MYOZ2: variants seen among roughly 807,000 people sequenced by gnomAD.
MYOZ2 encodes myozenin 2.
MYOZ2 carries 19 observed loss-of-function variants against 25.4 expected under a neutral mutation model. The ratio of observed to expected loss-of-function variants is 0.75; its 90% CI spans 0.52 to 1.10. The LOEUF (loss-of-function observed/expected upper bound fraction) is 1.10, where lower values mean the gene tolerates loss of function less well. Among genes scored for constraint, MYOZ2 ranks in the 50% least tolerant of loss-of-function variants. MYOZ2 has a pLI of 0.00. For synonymous variants in MYOZ2, 92 were observed against 106.9 expected, an observed-to-expected ratio of 0.86 and a Z score of 0.86; for missense variants, 270 against 317.9, an observed-to-expected ratio of 0.85 and a Z score of 1.15.
chr4:119,136,633 T>C (rs753660367), intron 2 of MYOZ2, 32 bp downstream of exon 2: 3 of 1,579,394 alleles, frequency 1.9e-6, no homozygotes, highest in Non-Finnish European at 2.6e-6. Context: ...AGCATTAATA[T>C]AGCACAGCAT....
chr4:119,148,780 A>AC lies in MYOZ2; in HGVS notation c.77-2092_77-2091insC, dbSNP rs1553957993. Among the ~76,000 whole-genome samples the AC allele has an allele frequency of 1.7e-3, 244 of 142,766 alleles. 3 individuals are homozygous for AC. The East Asian group carries it at 0.02, about 12-fold the overall frequency. 93.7% of individuals were successfully genotyped at this position (142,766 alleles called of 152,430 possible). A position where few individuals can be genotyped will look rare whatever the true frequency, so the allele number is the denominator to read the frequency against. ...GATGGAGTCATTGGCAAAAAAAAAAAAAACCTTTCCATTTAAAGAATTTGT... is the reference window on the plus strand; with the variant it reads ...GATGGAGTCATTGGCAAAAAAAAAAACAAACCTTTCCATTTAAAGAATTTGT... On this transcript the variant is annotated intron_variant, in intron 2 of 5. Transcript: ENST00000307128.
chr4:119,183,047 A>C (rs541865203), intron 5 of MYOZ2, among the ~76,000 whole-genome samples: 98 of 152,302 alleles, frequency 6.4e-4, no homozygotes, highest in African/African-American at 2.3e-3. Context: ...TTGAACTATA[A>C]AGAAAATAAG....
At chr4:119,154,945 C>T (rs1207694686) in intron 3 of MYOZ2, among the ~76,000 whole-genome samples, 1 of 151,418 alleles carries the variant, frequency 6.6e-6, no homozygotes, top group Non-Finnish European at 1.5e-5. Flanking sequence ...AGACCAGGTA[C>T]TTTATAAAGA....
At chr4:119,137,175 TAA>T (rs1741049568) in intron 2 of MYOZ2, among the ~76,000 whole-genome samples, 1 of 152,142 alleles carries the variant, frequency 6.6e-6, no homozygotes, top group Admixed American at 6.6e-5. Context: ...TGAGAAAATA[TAA>T]AGTTATTGTA....
At chr4:119,136,062 C>T (rs769541331) in intron 1 of MYOZ2, 80 bp downstream of exon 1, 5 of 181,632 alleles carry the variant, frequency 2.8e-5, no homozygotes, top group Non-Finnish European at 4.6e-5. Flanking sequence ...AATGGGCATT[C>T]TCTGCTTTAA....
chr4:119,158,555 C>A (rs1441558562), intron 4 of MYOZ2, among the ~76,000 whole-genome samples: 1 of 151,270 alleles, frequency 6.6e-6, no homozygotes, highest in Non-Finnish European at 1.5e-5. Context: ...GACCCTGACT[C>A]AAAAAAAAGT....
In MYOZ2 at chr4:119,140,189, G is replaced by A. The variant is rs145144393; in HGVS notation, c.76+3588G>A. 5.2e-3 allele frequency among the ~76,000 whole-genome samples: 790 copies of A among 152,256 alleles called. 1 individual carries two copies. The highest frequency in any genetic ancestry group is 8.1e-3 in the Non-Finnish European group (554 of 68,006). The stretch of plus-strand genomic sequence containing the variant: ...TCAGTGTGTTTGAGTTTCTCTATCA[G>A]TAACAAAGGAAATGATAATATTGAC... On this transcript the variant is annotated intron_variant, in intron 2 of 5. Coordinates refer to ENST00000307128, the MANE Select transcript of MYOZ2 (RefSeq NM_016599.5).
chr4:119,137,462 T>C (rs2149217967), intron 2 of MYOZ2, among the ~76,000 whole-genome samples: 1 of 152,266 alleles, frequency 6.6e-6, no homozygotes, highest in South Asian at 2.1e-4. Flanking sequence ...TTATTTCCCC[T>C]GTATTGACAA....
chr4:119,145,227 C>G (rs887097561), intron 2 of MYOZ2, among the ~76,000 whole-genome samples: 1 of 151,008 alleles, frequency 6.6e-6, no homozygotes, highest in Non-Finnish European at 1.5e-5. Flanking sequence ...ATATAAAATT[C>G]TTTTCATATA....
At chr4:119,170,272 C>T (rs1043862166) in intron 5 of MYOZ2, among the ~76,000 whole-genome samples, 12 of 140,724 alleles carry the variant, frequency 8.5e-5, no homozygotes, top group Non-Finnish European at 1.9e-4. Flanking sequence ...TAGAATCCTA[C>T]AGTATTTGTT....
chr4:119,165,622 A>G (rs980892342), intron 5 of MYOZ2, among the ~76,000 whole-genome samples: 1 of 152,174 alleles, frequency 6.6e-6, no homozygotes, highest in African/African-American at 2.4e-5. Flanking sequence ...GAGGTGTACC[A>G]TAGAATTTAA....
chr4:119,140,422 G>A (rs956059050), intron 2 of MYOZ2, among the ~76,000 whole-genome samples: 1 of 152,172 alleles, frequency 6.6e-6, no homozygotes, highest in African/African-American at 2.4e-5. Flanking sequence ...ATGATTCAGT[G>A]TACAAGTTTG....
chr4:119,160,991 A>G (rs1397011458), intron 4 of MYOZ2, among the ~76,000 whole-genome samples: 1 of 151,888 alleles, frequency 6.6e-6, no homozygotes, highest in Non-Finnish European at 1.5e-5. Flanking sequence ...ACTATAACTT[A>G]TTCCTCCTGT....
At chr4:119,172,436 G>A (rs1741965957) in intron 5 of MYOZ2, among the ~76,000 whole-genome samples, 1 of 152,208 alleles carries the variant, frequency 6.6e-6, no homozygotes, top group South Asian at 2.1e-4. Context: ...ATCAGAGTGA[G>A]TCGAAGCTGT....
chr4:119,147,743 C>CAA (rs70944840), intron 2 of MYOZ2, among the ~76,000 whole-genome samples: 1 of 119,658 alleles, frequency 8.4e-6, no homozygotes, highest in East Asian at 2.3e-4. Context: ...GACTCTGTCT[C>CAA]AAAAAAAAAA....
At chr4:119,158,788 G>C (rs952084151) in intron 4 of MYOZ2, among the ~76,000 whole-genome samples, 1 of 152,206 alleles carries the variant, frequency 6.6e-6, no homozygotes, top group East Asian at 1.9e-4. Context: ...TAATTTCGCA[G>C]TAACTCTATG....
At chr4:119,142,124 AG>A (rs1427844922) in intron 2 of MYOZ2, among the ~76,000 whole-genome samples, 2 of 152,198 alleles carry the variant, frequency 1.3e-5, no homozygotes, top group African/African-American at 4.8e-5. Flanking sequence ...GGGCAGCAGT[AG>A]GGATGTTTTG....
At chr4:119,178,755 C>T (rs1006501129) in intron 5 of MYOZ2, among the ~76,000 whole-genome samples, 3 of 152,126 alleles carry the variant, frequency 2.0e-5, no homozygotes, top group Non-Finnish European at 4.4e-5. Flanking sequence ...TACAGGCATC[C>T]ACCACCTCAC....
chr4:119,164,651 T>C (rs540227824), intron 5 of MYOZ2, among the ~76,000 whole-genome samples: 58 of 152,314 alleles, frequency 3.8e-4, no homozygotes, highest in Non-Finnish European at 7.1e-4. Context: ...ATCAAGATTA[T>C]CCCTTGATAC....
Sources: allele counts gnomAD v4.1 joint callset (sites outside exome capture counted in the v4.1 genomes callset), GRCh38; gene constraint gnomAD v4.1.1; transcripts MANE v1.5; gene names NCBI Gene and HGNC (gene_info 2026-07-23, HGNC 2026-07-21).